CDH12: variants seen among roughly 807,000 people sequenced by gnomAD.
CDH12 encodes cadherin 12.
In CDH12, 41 loss-of-function variants were observed where a neutral mutation model predicts 74.1. The ratio of observed to expected loss-of-function variants is 0.55; its 90% CI spans 0.43 to 0.72. CDH12 has a LOEUF of 0.72. Among genes scored for constraint, CDH12 ranks in the 30% least tolerant of loss-of-function variants. The pLI is 0.00. For missense variants in CDH12, 945 were observed against 977.2 expected, an observed-to-expected ratio of 0.97 and a Z score of 0.44; for synonymous variants, 399 against 355.0, an observed-to-expected ratio of 1.12 and a Z score of -1.39.
intron 1 of CDH12, among the ~76,000 whole-genome samples, chr5:22,804,237 T>C (rs1207416853): frequency 2.6e-5 from 4 of 152,224 alleles, no homozygotes; most frequent in African/African-American, 9.6e-5. Context: ...TGATTTTCTC[T>C]ACCTTTGAAT....
chr5:22,111,324 C>T (rs1168096207), intron 4 of CDH12, among the ~76,000 whole-genome samples: 1 of 152,064 alleles, frequency 6.6e-6, no homozygotes, highest in East Asian at 1.9e-4. Flanking sequence ...AAAAGTTGCT[C>T]TTTATTGTAC....
chr5:21,855,303 T>A (rs949590378), intron 6 of CDH12, among the ~76,000 whole-genome samples: 3 of 151,678 alleles, frequency 2.0e-5, no homozygotes, highest in African/African-American at 7.3e-5. Context: ...CATAAATAAT[T>A]GCAAAATAGT....
At chr5:22,017,012 T>C (rs1737652021) in intron 5 of CDH12, among the ~76,000 whole-genome samples, 1 of 152,076 alleles carries the variant, frequency 6.6e-6, no homozygotes, top group Admixed American at 6.6e-5. Flanking sequence ...AGCATCTTTG[T>C]CTCCACTCTA....
chr5:22,454,016 A>T (rs1409740609), intron 2 of CDH12, among the ~76,000 whole-genome samples: 3 of 152,178 alleles, frequency 2.0e-5, no homozygotes, highest in Non-Finnish European at 4.4e-5. Flanking sequence ...ATAAGTAAAA[A>T]ATGGAGCAAT....
chr5:22,186,575 A>T (rs1749960931), intron 4 of CDH12, among the ~76,000 whole-genome samples: 1 of 152,128 alleles, frequency 6.6e-6, no homozygotes, highest in African/African-American at 2.4e-5. Context: ...GGTTCAAGTG[A>T]TGCTCCTGCC....
intron 2 of CDH12, among the ~76,000 whole-genome samples, chr5:22,502,376 T>C (rs1398646686): frequency 6.6e-6 from 1 of 152,088 alleles, no homozygotes; most frequent in Non-Finnish European, 1.5e-5. Flanking sequence ...TCCCCAGCCA[T>C]GTGGAACTGT....
At chr5:22,478,538 G>A (rs1185412837) in intron 2 of CDH12, among the ~76,000 whole-genome samples, 2 of 151,288 alleles carry the variant, frequency 1.3e-5, no homozygotes, top group Non-Finnish European at 2.9e-5. Context: ...TAAAAGAGAA[G>A]TTCTTGTTCA....
chr5:21,872,218 T>G lies in CDH12; in HGVS notation c.527-17428A>C, dbSNP rs1751660619. Among the ~76,000 whole-genome samples the G allele has an allele frequency of 2.0e-5, 3 of 152,180 alleles. No individual in the cohort carries two copies. The South Asian group carries it at 6.2e-4, about 31-fold the overall frequency. ...CTAATGCTGTGACAGCAACTTATGATTTGGTATTCAGTCCAAGGCCCCAGA... is the reference window on the plus strand; with the variant it reads ...CTAATGCTGTGACAGCAACTTATGAGTTGGTATTCAGTCCAAGGCCCCAGA... On this transcript the variant is annotated intron_variant, in intron 6 of 14. Coordinates refer to ENST00000382254, the MANE Select transcript of CDH12 (RefSeq NM_004061.5).
At chr5:21,957,311 C>G (rs965721820) in intron 6 of CDH12, among the ~76,000 whole-genome samples, 3 of 152,172 alleles carry the variant, frequency 2.0e-5, no homozygotes, top group African/African-American at 7.2e-5. Flanking sequence ...TATCTAAACT[C>G]TTATTGATGA....
chr5:22,720,170 G>A (rs752953303), intron 1 of CDH12, among the ~76,000 whole-genome samples: 12 of 152,128 alleles, frequency 7.9e-5, no homozygotes, highest in African/African-American at 1.2e-4. Context: ...GGAGGGACCC[G>A]GTGGGAGGTG....
At chr5:22,044,770 A>G (rs1739815509) in intron 5 of CDH12, among the ~76,000 whole-genome samples, 1 of 152,242 alleles carries the variant, frequency 6.6e-6, no homozygotes, top group African/African-American at 2.4e-5. Flanking sequence ...GCAGAAGAAT[A>G]AAACTAGACT....
chr5:21,751,312 C>A lies in CDH12; in HGVS notation c.*425G>T, dbSNP rs1744034874. 1 of 177,340 alleles carries A rather than the reference C, an allele frequency of 5.6e-6. No individual in the cohort carries two copies. Among genetic ancestry groups the A allele is most frequent in the Admixed American group, 5.4e-5 (1 of 18,614 alleles). The allele number at this position is 177,340 out of a possible 1,614,324, so 11.0% of individuals were successfully genotyped here. A position where few individuals can be genotyped will look rare whatever the true frequency, so the allele number is the denominator to read the frequency against. On this transcript the variant is annotated 3_prime_UTR_variant, in exon 15 of 15. Coordinates refer to ENST00000382254, the MANE Select transcript of CDH12 (RefSeq NM_004061.5). ...CGCAATACCATCACAGCAGAGTGTA[C>A]TGTACACCACTTTAAATGATAAGAG...
intron 4 of CDH12, among the ~76,000 whole-genome samples, chr5:22,204,160 T>TTGG (rs1751076555): frequency 3.3e-5 from 1 of 30,752 alleles, no homozygotes; most frequent in Non-Finnish European, 6.9e-5. Context: ...TTTGTTTTGT[T>TTGG]TGTTTTTTTT....
chr5:22,776,037 C>CA (rs1440809272), intron 1 of CDH12, among the ~76,000 whole-genome samples: 4 of 152,126 alleles, frequency 2.6e-5, no homozygotes, highest in African/African-American at 9.7e-5. Context: ...GAGGCCTCCC[C>CA]AGCCATGTGG....
chr5:22,743,262 A>T (rs1034082855), intron 1 of CDH12, among the ~76,000 whole-genome samples: 50 of 88,934 alleles, frequency 5.6e-4, no homozygotes, highest in South Asian at 9.7e-4. Flanking sequence ...CATGGAGATT[A>T]TATATATATA....
intron 5 of CDH12, among the ~76,000 whole-genome samples, chr5:22,021,631 T>C (rs1380353208): frequency 3.3e-5 from 5 of 152,228 alleles, no homozygotes; most frequent in African/African-American, 1.2e-4. Flanking sequence ...TAGTACTTGA[T>C]AAAATATGTG....
At chr5:22,221,009 GAC>G (rs919216877) in intron 3 of CDH12, among the ~76,000 whole-genome samples, 58 of 149,646 alleles carry the variant, frequency 3.9e-4, no homozygotes, top group Non-Finnish European at 7.0e-4. Context: ...CACACACACA[GAC>G]ACACACAGAC....
chr5:22,388,790 T>A (rs1742109415), intron 3 of CDH12, among the ~76,000 whole-genome samples: 1 of 152,188 alleles, frequency 6.6e-6, no homozygotes, highest in South Asian at 2.1e-4. Context: ...TAAATATAAC[T>A]CTTCTGATAA....
intron 6 of CDH12, among the ~76,000 whole-genome samples, chr5:21,928,207 T>C (rs1754679321): frequency 6.6e-6 from 1 of 152,174 alleles, no homozygotes; most frequent in African/African-American, 2.4e-5. Context: ...ACATAGGTTG[T>C]TCTGGAGAGA....
Sources: gnomAD v4.1 joint callset for allele counts (sites outside exome capture counted in the v4.1 genomes callset) on GRCh38, gnomAD v4.1.1 for gene constraint, MANE v1.5 for transcripts, NCBI Gene and HGNC (gene_info 2026-07-23, HGNC 2026-07-21) for gene names.